Variants in KNL1 observed in about 807,000 individuals in gnomAD.
KNL1 encodes outer kinetochore KNL1 complex subunit KNL1.
Under a neutral mutation model 201.3 loss-of-function variants are expected in KNL1, and 66 were observed. The ratio of observed to expected loss-of-function variants is 0.33; its 90% CI spans 0.27 to 0.40. The LOEUF (loss-of-function observed/expected upper bound fraction) is 0.40. Ranked by LOEUF, KNL1 falls within the 10% of genes least tolerant of loss-of-function variation. The pLI is 1.00. For synonymous variants in KNL1, 895 were observed against 899.2 expected, an observed-to-expected ratio of 1.00 and a Z score of 0.08; for missense variants, 2,815 against 2,690.5, an observed-to-expected ratio of 1.05 and a Z score of -1.02.
intron 1 of KNL1, 117 bp from the exon 2 acceptor site, chr15:40,602,798 T>C (rs1891851010): frequency 1.7e-6 from 1 of 577,910 alleles, no homozygotes; most frequent in African/African-American, 1.9e-5. Context: ...CCTTCCCATC[T>C]TTGGTCTTCC....
intron 14 of KNL1, 50 bp downstream of exon 14, chr15:40,641,077 T>G (rs1181311167): frequency 6.5e-6 from 8 of 1,237,630 alleles, no homozygotes; most frequent in African/African-American, 1.5e-5. Context: ...GAGGGATCAG[T>G]TAATAGTTTG....
chr15:40,657,384 C>G lies in KNL1; in HGVS notation c.6624C>G (p.His2208Gln). 3 of 1,607,350 alleles carry G rather than the reference C, an allele frequency of 1.9e-6. No homozygotes were observed. Among genetic ancestry groups the G allele is most frequent in the Non-Finnish European group, 2.6e-6 (3 of 1,173,894 alleles). ...KMLEEFSLVV[H>Q]HCRLLGEEIE... Reference sequence around the variant, plus strand: ...TTGAAGAATTCTCACTGGTAGTGCACCATTGCAGACTCCTTGGAGAGGAGA... The same window carrying G: ...TTGAAGAATTCTCACTGGTAGTGCAGCATTGCAGACTCCTTGGAGAGGAGA... The change falls in exon 24 of 26, where the codon CAC becomes CAG. Residue 2208 changes from histidine to glutamine, a missense_variant. Transcript: ENST00000399668.
rs1566999512 is a variant in KNL1 at position 40,605,161 on chromosome 15, T to C, written c.75+12T>C. 7.2e-7 allele frequency: 1 copy of C among 1,388,700 alleles called. No individual in the cohort carries two copies. The highest frequency in any genetic ancestry group is 1.0e-6 in the Non-Finnish European group (1 of 975,588). 86.0% of individuals were successfully genotyped at this position (1,388,700 alleles called of 1,614,324 possible). On this transcript the variant is annotated intron_variant, in intron 3 of 25. Coordinates refer to ENST00000399668, the MANE Select transcript of KNL1 (RefSeq NM_144508.5). ...GACGGCATTCTTCAGTAAGAAAGAC[T>C]TTCTTGAATTAATAATTGTCAGCTT...
In KNL1 at chr15:40,623,066, A is replaced by T. The variant is rs779449407; in HGVS notation, c.2802A>T (p.Ile934=). Residue 934 remains isoleucine, a synonymous_variant, in exon 10 of 26, where the codon ATA becomes ATT. Transcript: ENST00000399668. ...GTAAAACTGTCTCACCAGATGAAATAACTACTAGGCCTATGGACAAAACTG... is the reference window on the plus strand; with the variant it reads ...GTAAAACTGTCTCACCAGATGAAATTACTACTAGGCCTATGGACAAAACTG... ...LECKTVSPDE[I]TTRPMDKTVV... The T allele has an allele frequency of 1.9e-6, 3 of 1,613,870 alleles. No individual in the cohort carries two copies. The highest frequency in any genetic ancestry group is 1.7e-6 in the Non-Finnish European group (2 of 1,179,908).
intron 4 of KNL1, 86 bp from the exon 5 acceptor site, chr15:40,608,761 A>G (rs1458758488): frequency 6.3e-6 from 5 of 792,316 alleles, no homozygotes; most frequent in South Asian, 1.9e-5. Flanking sequence ...AAAAAAAAAA[A>G]GGACTTGATC....
chr15:40,607,157 C>T (rs915384800), intron 4 of KNL1, among the ~76,000 whole-genome samples: 4 of 152,194 alleles, frequency 2.6e-5, no homozygotes, highest in African/African-American at 9.7e-5. Context: ...GCCTGGGCCT[C>T]CCAAAGTGTG....
chr15:40,646,338 T>G (rs1287777114), intron 16 of KNL1, among the ~76,000 whole-genome samples: 1 of 152,100 alleles, frequency 6.6e-6, no homozygotes, highest in Non-Finnish European at 1.5e-5. Flanking sequence ...TATTAATATA[T>G]TGTATTCCAT....
At chr15:40,606,348 T>C in intron 3 of KNL1, 45 bp from the exon 4 acceptor site, 2 of 1,158,056 alleles carry the variant, frequency 1.7e-6, no homozygotes, top group African/African-American at 1.5e-5. Flanking sequence ...TGATTCTTAA[T>C]AGATATGCCA....
chr15:40,631,157 CAAGG>C (rs141926092), intron 13 of KNL1, among the ~76,000 whole-genome samples: 13,322 of 151,990 alleles, frequency 0.088, 621 homozygotes, highest in African/African-American at 0.13. Context: ...AAAATAAAAA[CAAGG>C]AAGTTCACAA....
At position 40,621,651 on chromosome 15, in the gene KNL1, T is replaced by C; in HGVS notation, c.1387T>C (p.Tyr463His). ...LKHDSNYAKM[Y>H]CNPDAMSSLT... is the part of the protein sequence containing the mutation. ...GCATGACAGTAATTATGCTAAAATG[T>C]ATTGCAATCCAGATGCTATGTCTTC... The change falls in exon 10 of 26, where the codon TAT (tyrosine) becomes CAT (histidine). Residue 463 changes from tyrosine to histidine, a missense_variant. Physicochemically the swap from Tyr to His is moderately conservative, Grantham distance 83 (BLOSUM62 2). This residue lies in a region of KNL1 where 2,464 missense variants were observed against 2,291.7 expected (regional missense o/e 1.08). Coordinates refer to ENST00000399668, the MANE Select transcript of KNL1 (RefSeq NM_144508.5). The C allele has an allele frequency of 6.2e-7, 1 of 1,612,904 alleles. No individual in the cohort carries two copies. The highest frequency in any genetic ancestry group is 8.5e-7 in the Non-Finnish European group (1 of 1,179,208).
chr15:40,656,109 T>C (rs879619903), intron 22 of KNL1, among the ~76,000 whole-genome samples: 2 of 152,084 alleles, frequency 1.3e-5, no homozygotes, highest in Non-Finnish European at 2.9e-5. Context: ...AACTTAAGTA[T>C]TGTGTCTAGG....
intron 22 of KNL1, 52 bp from the exon 23 acceptor site, chr15:40,656,990 T>C (rs1893752739): frequency 1.3e-6 from 1 of 784,440 alleles, no homozygotes; most frequent in African/African-American, 1.8e-5. Flanking sequence ...TTATATAAAA[T>C]ATATGAATCA....
intron 8 of KNL1, among the ~76,000 whole-genome samples, chr15:40,616,488 C>G (rs1032496568): frequency 2.0e-5 from 3 of 152,174 alleles, no homozygotes; most frequent in Non-Finnish European, 1.5e-5. Context: ...TGGACTCCCA[C>G]TCATTCAGTC....
intron 9 of KNL1, 38 bp from the exon 10 acceptor site, chr15:40,620,602 C>T: frequency 7.3e-7 from 1 of 1,370,648 alleles, no homozygotes; most frequent in Non-Finnish European, 9.8e-7. Context: ...TAAAAGTTTG[C>T]TTTTGTTCTG....
intron 1 of KNL1, among the ~76,000 whole-genome samples, chr15:40,596,586 T>C (rs1340566037): frequency 1.3e-5 from 2 of 152,094 alleles, no homozygotes; most frequent in Non-Finnish European, 2.9e-5. Context: ...AAAATTTTAT[T>C]ATTAAATAAT....
At chr15:40,596,100 T>G (rs1891612122) in intron 1 of KNL1, among the ~76,000 whole-genome samples, 1 of 152,146 alleles carries the variant, frequency 6.6e-6, no homozygotes, top group African/African-American at 2.4e-5. Flanking sequence ...TTATTTAGAG[T>G]AGTGGTTCCC....
Position 40,624,461 on chromosome 15 carries a change from G to T in KNL1, c.4197G>T (p.Leu1399Phe). 6.2e-7 allele frequency: 1 copy of T among 1,613,694 alleles called. No homozygotes were observed. The highest frequency in any genetic ancestry group is 8.5e-7 in the Non-Finnish European group (1 of 1,179,810). ...TGATTAAGGATCCACGAAATCTATT[G>T]GCTAATCAAACTTTAGTATATAGTC... ...QDLIKDPRNLLANQTLVYSQD... is the reference protein window; with the variant it reads ...QDLIKDPRNLFANQTLVYSQD... The change falls in exon 10 of 26, where the codon TTG (leucine) becomes TTT (phenylalanine). Residue 1399 changes from leucine to phenylalanine, a missense_variant. By Grantham distance (22) the Leu-to-Phe change is conservative. Transcript: ENST00000399668.
chr15:40,604,852 T>G (rs1351800628), intron 2 of KNL1, among the ~76,000 whole-genome samples: 3 of 152,250 alleles, frequency 2.0e-5, no homozygotes, highest in Non-Finnish European at 2.9e-5. Flanking sequence ...CCATTTATCT[T>G]ATTATTATAC....
rs1174058704 is a variant in KNL1, at chr15:40,619,027, A to G, written c.375+16A>G. On this transcript the variant is annotated intron_variant, in intron 9 of 25. Coordinates refer to ENST00000399668, the MANE Select transcript of KNL1 (RefSeq NM_144508.5). ...ACAGAAGGAGGTATGAGTTCATGCA[A>G]ATACCTTCATATTGTAATGTCATTT... 1.3e-5 allele frequency: 20 copies of G among 1,498,630 alleles called. No homozygotes were observed. The highest frequency in any genetic ancestry group is 1.9e-5 in the Non-Finnish European group (20 of 1,076,380). The allele number at this position is 1,498,630 out of a possible 1,614,324, so 92.8% of individuals were successfully genotyped here.
Sources: allele counts gnomAD v4.1 joint callset (sites outside exome capture counted in the v4.1 genomes callset), GRCh38; gene constraint gnomAD v4.1.1; regional missense constraint gnomAD v4.1.1; transcripts MANE v1.5; gene names NCBI Gene and HGNC (gene_info 2026-07-23, HGNC 2026-07-21).